Variants in SPIN1 observed in about 807,000 individuals in gnomAD.
SPIN1 encodes spindlin-1.
A neutral mutation model predicts 26.0 loss-of-function variants in SPIN1; 3 were observed. The observed-to-expected ratio is 0.12, with a 90% CI of 0.05 to 0.30. The LOEUF (loss-of-function observed/expected upper bound fraction) is 0.30. SPIN1 is among the 10% of genes least tolerant of loss of function. The probability of loss-of-function intolerance (pLI) is 1.00; values close to 1 mark genes in which losing one functional copy is unlikely to be tolerated. For synonymous variants in SPIN1, 101 were observed against 116.5 expected (o/e 0.87, Z 0.86); for missense variants, 126 against 333.4 (o/e 0.38, Z 4.84).
rs59260331 is a variant in SPIN1, at chr9:88,466,005, G to A, written c.356-2367G>A. 7.4e-3 allele frequency among the ~76,000 whole-genome samples: 1,119 copies of A among 152,238 alleles called. 12 individuals carry two copies. The highest frequency in any genetic ancestry group is 0.025 in the African/African-American group (1,048 of 41,550). The stretch of plus-strand genomic sequence containing the variant: ...AGCCACTCTTAATGTATTTTGATAG[G>A]AAATAGTTATTTTTAATTTAAAATG... On this transcript the variant is annotated intron_variant, in intron 4 of 5. Coordinates refer to ENST00000375859, the MANE Select transcript of SPIN1 (RefSeq NM_006717.3).
At chr9:88,402,096 A>G (rs1264776816) in intron 1 of SPIN1, among the ~76,000 whole-genome samples, 2 of 151,998 alleles carry the variant, frequency 1.3e-5, no homozygotes, top group East Asian at 1.9e-4. Context: ...GGTTCAAGCA[A>G]TTCTCCCGCC....
intron 5 of SPIN1, among the ~76,000 whole-genome samples, chr9:88,472,718 C>T (rs1346601941): frequency 6.6e-6 from 1 of 152,200 alleles, no homozygotes; most frequent in Non-Finnish European, 1.5e-5. Context: ...GTCTCGATCT[C>T]CTGACCTTGT....
At chr9:88,459,839 A>G (rs139326983) in intron 3 of SPIN1, among the ~76,000 whole-genome samples, 35 of 152,246 alleles carry the variant, frequency 2.3e-4, no homozygotes, top group African/African-American at 8.2e-4. Flanking sequence ...CGGCCTTTAT[A>G]CTTGAAGGTC....
chr9:88,472,029 G>A (rs1455083633), intron 5 of SPIN1, among the ~76,000 whole-genome samples: 4 of 151,888 alleles, frequency 2.6e-5, no homozygotes, highest in African/African-American at 9.7e-5. Flanking sequence ...AAACTCCTGG[G>A]GTGAAGTGAT....
intron 1 of SPIN1, among the ~76,000 whole-genome samples, chr9:88,395,059 C>G (rs985194169): frequency 6.6e-6 from 1 of 152,024 alleles, no homozygotes; most frequent in South Asian, 2.1e-4. Flanking sequence ...CTGTCCGCCT[C>G]GGCCTGCCAA....
intron 2 of SPIN1, among the ~76,000 whole-genome samples, chr9:88,429,232 G>A (rs1173120006): frequency 1.3e-5 from 2 of 152,120 alleles, no homozygotes; most frequent in Non-Finnish European, 2.9e-5. Flanking sequence ...TGTGGGAAGG[G>A]GAGGAGTTGC....
chr9:88,441,883 T>C (rs1045149040), intron 2 of SPIN1, among the ~76,000 whole-genome samples: 10 of 149,300 alleles, frequency 6.7e-5, no homozygotes, highest in Non-Finnish European at 1.2e-4. Flanking sequence ...TATGTTGTTA[T>C]ATTATTTTCA....
chr9:88,466,925 C>T (rs991556681), intron 4 of SPIN1, among the ~76,000 whole-genome samples: 4 of 151,490 alleles, frequency 2.6e-5, no homozygotes, highest in African/African-American at 4.9e-5. Flanking sequence ...TTAGTAGAGA[C>T]GGGGTTTTGT....
At chr9:88,393,941 G>A (rs946951634) in intron 1 of SPIN1, among the ~76,000 whole-genome samples, 2 of 151,966 alleles carry the variant, frequency 1.3e-5, no homozygotes, top group African/African-American at 2.4e-5. Context: ...TCCGCCTCCC[G>A]GGTTCAAGCT....
intron 4 of SPIN1, among the ~76,000 whole-genome samples, chr9:88,467,845 TAAA>T (rs755421414): frequency 7.6e-6 from 1 of 132,346 alleles, no homozygotes; most frequent in Non-Finnish European, 1.6e-5. Context: ...CCAATTTCTT[TAAA>T]AAAAAAAAAC....
At chr9:88,442,052 A>G (rs1828145350) in intron 2 of SPIN1, among the ~76,000 whole-genome samples, 1 of 150,592 alleles carries the variant, frequency 6.6e-6, no homozygotes, top group Admixed American at 6.6e-5. Flanking sequence ...CCTGGGTTCA[A>G]GCAGTTCTCC....
At chr9:88,399,843 T>C (rs764131990) in intron 1 of SPIN1, among the ~76,000 whole-genome samples, 3 of 152,204 alleles carry the variant, frequency 2.0e-5, no homozygotes, top group African/African-American at 2.4e-5. Flanking sequence ...TTTTAAATTT[T>C]TAGCTCAGGC....
chr9:88,475,366 A>C lies in SPIN1; in HGVS notation c.*89A>C. ...CTTGATTGCTTTCCAGTTTAATGAA[A>C]GCTTAAATGTCCCTGCGAACCCACA... On this transcript the variant is annotated 3_prime_UTR_variant, in exon 6 of 6. Coordinates refer to ENST00000375859, the MANE Select transcript of SPIN1 (RefSeq NM_006717.3). 7.4e-7 allele frequency: 1 copy of C among 1,358,704 alleles called. No homozygotes were observed. Among genetic ancestry groups the C allele is most frequent in the African/African-American group, 1.4e-5 (1 of 69,080 alleles). 84.2% of individuals were successfully genotyped at this position (1,358,704 alleles called of 1,614,324 possible).
chr9:88,457,403 C>A (rs765234071), intron 3 of SPIN1, among the ~76,000 whole-genome samples: 2 of 152,030 alleles, frequency 1.3e-5, no homozygotes, highest in Non-Finnish European at 2.9e-5. Context: ...GTGGTGCACA[C>A]CTGTAATCCC....
chr9:88,428,403 C>T (rs1332282517), intron 2 of SPIN1, among the ~76,000 whole-genome samples: 1 of 152,176 alleles, frequency 6.6e-6, no homozygotes, highest in Non-Finnish European at 1.5e-5. Flanking sequence ...CAAGATTTAG[C>T]TCCAACTTAT....
intron 2 of SPIN1, among the ~76,000 whole-genome samples, chr9:88,443,264 C>G (rs1328334537): frequency 1.3e-5 from 2 of 151,754 alleles, no homozygotes; most frequent in African/African-American, 4.8e-5. Context: ...CGGGGTTTTT[C>G]TCTCTGCTTT....
chr9:88,437,548 T>C (rs1828030878), intron 2 of SPIN1, among the ~76,000 whole-genome samples: 1 of 151,910 alleles, frequency 6.6e-6, no homozygotes, highest in Admixed American at 6.6e-5. Context: ...GAAGCTGCTA[T>C]ATATATCTGT....
At chr9:88,411,145 C>G in intron 1 of SPIN1, 3 of 1,494,028 alleles carry the variant, frequency 2.0e-6, no homozygotes, top group Non-Finnish European at 2.8e-6. Context: ...CAACAAATAT[C>G]TTTTTCACAG....
chr9:88,390,131 G>A (rs1004680693), intron 1 of SPIN1, among the ~76,000 whole-genome samples: 4 of 152,124 alleles, frequency 2.6e-5, no homozygotes, highest in Non-Finnish European at 4.4e-5. Flanking sequence ...TTTTACAATG[G>A]TTATGAACTG....
Sources: gnomAD v4.1 joint callset for allele counts (sites outside exome capture counted in the v4.1 genomes callset) on GRCh38, gnomAD v4.1.1 for gene constraint, MANE v1.5 for transcripts, NCBI Gene and HGNC (gene_info 2026-07-23, HGNC 2026-07-21) for gene names.